Variants in CDK14 observed in about 807,000 individuals in gnomAD.
CDK14 encodes the protein cyclin-dependent kinase 14.
Under a neutral mutation model 60.7 loss-of-function variants are expected in CDK14, and 34 were observed. The observed-to-expected ratio is 0.56, with a 90% CI of 0.43 to 0.75. The LOEUF (loss-of-function observed/expected upper bound fraction) is 0.75. Among genes scored for constraint, CDK14 ranks in the 30% least tolerant of loss-of-function variants. CDK14 has a pLI of 0.00. For synonymous variants in CDK14, 197 were observed against 203.7 expected (o/e 0.97, Z 0.28); for missense variants, 482 against 564.1 (o/e 0.85, Z 1.47).
chr7:90,867,972 A>T (rs1314375970), intron 6 of CDK14, among the ~76,000 whole-genome samples: 1 of 145,376 alleles, frequency 6.9e-6, no homozygotes, highest in Admixed American at 6.8e-5. Flanking sequence ...CATAAAATTA[A>T]AAAAAAAAAA....
intron 3 of CDK14, among the ~76,000 whole-genome samples, chr7:90,731,594 T>C (rs1019974808): frequency 6.6e-6 from 1 of 152,212 alleles, no homozygotes; most frequent in African/African-American, 2.4e-5. Context: ...TTTATTCTCT[T>C]TGTAGCAATT....
intron 2 of CDK14, among the ~76,000 whole-genome samples, chr7:90,621,159 C>G (rs1799756705): frequency 6.6e-6 from 1 of 152,184 alleles, no homozygotes; most frequent in African/African-American, 2.4e-5. Context: ...ATGATTACCC[C>G]AGATACAGAG....
At chr7:90,992,974 A>G (rs950386268) in intron 10 of CDK14, among the ~76,000 whole-genome samples, 1 of 152,184 alleles carries the variant, frequency 6.6e-6, no homozygotes, top group Non-Finnish European at 1.5e-5. Context: ...TCAGTTCACC[A>G]TGAGAGTTAG....
chr7:90,698,554 T>A (rs1042797105), intron 2 of CDK14, among the ~76,000 whole-genome samples: 2 of 152,212 alleles, frequency 1.3e-5, no homozygotes, highest in African/African-American at 2.4e-5. Context: ...TGCCTCATAA[T>A]TTTATTCCTC....
chr7:91,173,675 G>T lies in CDK14; in HGVS notation c.*29-33490G>T, dbSNP rs566275715. Reference sequence around the variant, plus strand: ...CAAGGGGTCAGGGAGTTCCCTTTCTGAGTCAAAGAAAGGGGTGACGGACGG... The same window carrying T: ...CAAGGGGTCAGGGAGTTCCCTTTCTTAGTCAAAGAAAGGGGTGACGGACGG... On this transcript the variant is annotated intron_variant, in intron 14 of 14. Transcript: ENST00000380050. Among the ~76,000 whole-genome samples the T allele has an allele frequency of 7.2e-5, 11 of 152,124 alleles. No individual in the cohort carries two copies. In the East Asian group the frequency reaches 2.1e-3, roughly 29 times the overall value.
intron 8 of CDK14, among the ~76,000 whole-genome samples, chr7:90,923,819 A>G (rs1216013801): frequency 6.6e-6 from 1 of 152,242 alleles, no homozygotes; most frequent in Non-Finnish European, 1.5e-5. Context: ...AGTAAATCAA[A>G]TAAGTCATAC....
At chr7:91,077,252 C>A (rs1215871094) in intron 11 of CDK14, among the ~76,000 whole-genome samples, 2 of 152,072 alleles carry the variant, frequency 1.3e-5, no homozygotes, top group Admixed American at 6.6e-5. Flanking sequence ...AACCCAAATG[C>A]CCATCAATGA....
intron 14 of CDK14, among the ~76,000 whole-genome samples, chr7:91,171,213 G>A (rs955150710): frequency 7.2e-5 from 11 of 151,988 alleles, no homozygotes; most frequent in African/African-American, 2.2e-4. Flanking sequence ...AGCTGGGCGT[G>A]GTGGCGGGCG....
chr7:90,646,370 C>T (rs1048029202), intron 2 of CDK14, among the ~76,000 whole-genome samples: 2 of 151,588 alleles, frequency 1.3e-5, no homozygotes, highest in African/African-American at 4.9e-5. Flanking sequence ...GTATTCTAAG[C>T]CCAAAGCCAG....
Position 90,632,161 on chromosome 7 carries a change from G to C in CDK14, c.123+27912G>C, listed in dbSNP as rs372158369. The C allele has an allele frequency of 5.5e-5, 9 of 163,170 alleles. No individual in the cohort carries two copies. The East Asian group carries it at 1.2e-3, about 22-fold the overall frequency. 10.1% of individuals were successfully genotyped at this position (163,170 alleles called of 1,614,324 possible). On this transcript the variant is annotated intron_variant, in intron 2 of 14. Transcript: ENST00000380050. ...GGTGACAGTTCTCTTGTTGCCATGTGATTTGGGGGCAGTGAAGACTGTCAC... is the reference window on the plus strand; with the variant it reads ...GGTGACAGTTCTCTTGTTGCCATGTCATTTGGGGGCAGTGAAGACTGTCAC...
chr7:90,762,580 A>AT (rs1396309003), intron 4 of CDK14, among the ~76,000 whole-genome samples: 1 of 152,230 alleles, frequency 6.6e-6, no homozygotes, highest in Non-Finnish European at 1.5e-5. Flanking sequence ...GTCAGGGTGG[A>AT]TAAAAAAACA....
intron 11 of CDK14, among the ~76,000 whole-genome samples, chr7:91,078,243 G>T (rs951419697): frequency 6.6e-6 from 1 of 152,148 alleles, no homozygotes; most frequent in Non-Finnish European, 1.5e-5. Context: ...CTACTTAAAG[G>T]TTCATCAATG....
At chr7:90,693,215 A>G (rs1293928316) in intron 2 of CDK14, among the ~76,000 whole-genome samples, 1 of 152,132 alleles carries the variant, frequency 6.6e-6, no homozygotes. Context: ...TGTAAATATT[A>G]AGATTGATGT....
In CDK14 at chr7:90,910,191, A is replaced by T. The variant is rs1427138924; in HGVS notation, c.703-7410A>T. ...TTTTTATATCTCTGTATAACCGTCTAAGTATTCTTTAAAAATTCAGTACTT... is the reference window on the plus strand; with the variant it reads ...TTTTTATATCTCTGTATAACCGTCTTAGTATTCTTTAAAAATTCAGTACTT... On this transcript the variant is annotated intron_variant, in intron 7 of 14. Coordinates refer to ENST00000380050, the MANE Select transcript of CDK14 (RefSeq NM_001287135.2). Among the ~76,000 whole-genome samples, 3 of 152,192 alleles carry T rather than the reference A, an allele frequency of 2.0e-5. No homozygotes were observed. The East Asian group carries it at 5.8e-4, about 29-fold the overall frequency.
chr7:90,984,777 T>C (rs527710851), intron 10 of CDK14, among the ~76,000 whole-genome samples: 2 of 152,326 alleles, frequency 1.3e-5, no homozygotes, highest in African/African-American at 4.8e-5. Context: ...ACCTCACCTC[T>C]GTGGTCTTCC....
chr7:90,854,970 CAT>C, intron 5 of CDK14, among the ~76,000 whole-genome samples: 1 of 152,266 alleles, frequency 6.6e-6, no homozygotes, highest in Non-Finnish European at 1.5e-5. Flanking sequence ...AGAAGAGCCA[CAT>C]GTCTAGCATT....
intron 4 of CDK14, among the ~76,000 whole-genome samples, chr7:90,775,778 C>T (rs918736681): frequency 1.1e-4 from 12 of 105,940 alleles, no homozygotes; most frequent in Non-Finnish European, 1.8e-4. Flanking sequence ...CCCCCCCACC[C>T]TTCTCCTACC....
intron 14 of CDK14, among the ~76,000 whole-genome samples, chr7:91,132,336 A>G (rs1404303681): frequency 1.3e-5 from 2 of 152,172 alleles, no homozygotes; most frequent in Non-Finnish European, 2.9e-5. Context: ...AAGCTGTGTC[A>G]CAAAGTGCAG....
intron 10 of CDK14, among the ~76,000 whole-genome samples, chr7:90,999,213 G>C (rs1210168181): frequency 1.3e-5 from 2 of 152,092 alleles, no homozygotes; most frequent in African/African-American, 4.8e-5. Flanking sequence ...TGTAGCAGGA[G>C]GTGGTGCCAA....
Sources: allele counts gnomAD v4.1 joint callset (sites outside exome capture counted in the v4.1 genomes callset), GRCh38; gene constraint gnomAD v4.1.1; transcripts MANE v1.5; gene names NCBI Gene and HGNC (gene_info 2026-07-23, HGNC 2026-07-21).